PACS2: variants seen among roughly 807,000 people sequenced by gnomAD.
PACS2 encodes the protein phosphofurin acidic cluster sorting protein 2, also known as PACS1-like protein.
A neutral mutation model predicts 113.0 loss-of-function variants in PACS2; 36 were observed. The observed-to-expected ratio is 0.32, with a 90% CI of 0.24 to 0.42. The LOEUF is 0.42. Ranked by LOEUF, PACS2 falls within the 10% of genes least tolerant of loss-of-function variation. The probability of loss-of-function intolerance (pLI) is 1.00; values close to 1 mark genes in which losing one functional copy is unlikely to be tolerated. For missense variants in PACS2, 1,015 were observed against 1,239.5 expected, an observed-to-expected ratio of 0.82 and a Z score of 2.72; for synonymous variants, 589 against 536.1, an observed-to-expected ratio of 1.10 and a Z score of -1.36.
Position 105,338,888 on chromosome 14 carries a change from T to C in PACS2, c.120-9605T>C, listed in dbSNP as rs117609624. Among the ~76,000 whole-genome samples, 522 of 152,308 alleles carry C rather than the reference T, an allele frequency of 3.4e-3. 20 individuals carry two copies. In the East Asian group the frequency reaches 0.085, roughly 25 times the overall value. On this transcript the variant is annotated intron_variant, in intron 1 of 24. Transcript: ENST00000447393. ...TTCTCCCTCCCTCCTGCCTCCTGTC[T>C]TCCTACTCTCTCCCCTCCTTCCACC...
At chr14:105,353,767 T>C (rs989483887) in intron 3 of PACS2, among the ~76,000 whole-genome samples, 87 of 152,010 alleles carry the variant, frequency 5.7e-4, no homozygotes, top group African/African-American at 2.0e-3. Flanking sequence ...CTATTTTTCG[T>C]ATCTTTAGTT....
chr14:105,355,002 GCCTGGGGCC>G lies in PACS2; in HGVS notation c.298-47_298-39del, dbSNP rs782656521. On this transcript the variant is annotated intron_variant, in intron 3 of 24. Coordinates refer to ENST00000447393, the MANE Select transcript of PACS2 (RefSeq NM_001100913.3). The surrounding 1 kb of genome is among the most constrained non-coding windows in gnomAD (Gnocchi z 4.1). ...CTGGGCCGTCAGAGGCCGTGATGCT[GCCTGGGGCC>G]CCGGTGCACCCTCAGCTGCCACTCG... The G allele has an allele frequency of 1.4e-5, 22 of 1,598,258 alleles. No individual in the cohort carries two copies. The highest frequency in any genetic ancestry group is 3.3e-4 in the Middle Eastern group (2 of 6,030).
At chr14:105,306,678 G>A (rs587751695) in intron 1 of PACS2, among the ~76,000 whole-genome samples, 23 of 150,512 alleles carry the variant, frequency 1.5e-4, no homozygotes, top group Non-Finnish European at 2.7e-4. Context: ...CGATCTTGAT[G>A]TACCGCAATC....
In PACS2 at chr14:105,380,096, A is replaced by G; in HGVS notation, c.1067A>G (p.Lys356Arg). ...EPPSPADVPE[K>R]TRSLGGRQPS... Reference sequence around the variant, plus strand: ...CCCCCACAGGCTGACGTGCCCGAGAAGACGCGGTCCCTGGGAGGCAGGCAG... The same window carrying G: ...CCCCCACAGGCTGACGTGCCCGAGAGGACGCGGTCCCTGGGAGGCAGGCAG... The change falls in exon 11 of 25, where the codon AAG becomes AGG. Residue 356 changes from lysine to arginine, a missense_variant. Lys to Arg is a conservative substitution (Grantham distance 26). Coordinates refer to ENST00000447393, the MANE Select transcript of PACS2 (RefSeq NM_001100913.3). 1 of 1,553,174 alleles carries G rather than the reference A, an allele frequency of 6.4e-7. No homozygotes were observed. Among genetic ancestry groups the G allele is most frequent in the Non-Finnish European group, 8.7e-7 (1 of 1,148,062 alleles).
rs1317026336 is a variant in PACS2, at chr14:105,340,928, G to T, written c.120-7565G>T. On this transcript the variant is annotated intron_variant, in intron 1 of 24. Coordinates refer to ENST00000447393, the MANE Select transcript of PACS2 (RefSeq NM_001100913.3). This position sits in a 1 kb window ranked among gnomAD's most constrained non-coding sequence, Gnocchi z 4.2. ...GTGGGGCTGCTTGCTCAGCACCCTT[G>T]CCCCGTCTCTGGCCACGTAGCCGTC... Among the ~76,000 whole-genome samples the T allele has an allele frequency of 1.3e-5, 2 of 152,248 alleles. No individual in the cohort carries two copies. The highest frequency in any genetic ancestry group is 2.9e-5 in the Non-Finnish European group (2 of 68,038).
intron 8 of PACS2, 64 bp downstream of exon 8, chr14:105,369,964 G>C (rs1168151041): frequency 7.1e-7 from 1 of 1,403,852 alleles, no homozygotes; most frequent in African/African-American, 1.4e-5. Context: ...TCGGGAGGAG[G>C]CCTCTGGGGT....
intron 4 of PACS2, among the ~76,000 whole-genome samples, chr14:105,364,580 C>T (rs2060879130): frequency 6.6e-6 from 1 of 151,230 alleles, no homozygotes; most frequent in Admixed American, 6.6e-5. Context: ...GAGGTCTCCT[C>T]ACCATGCATG....
At chr14:105,392,906 G>A (rs769889132) in intron 23 of PACS2, 61 bp downstream of exon 23, 37 of 1,347,808 alleles carry the variant, frequency 2.7e-5, no homozygotes, top group Non-Finnish European at 3.4e-5. Flanking sequence ...GGGAGAGGGC[G>A]GCTCGCAGTC....
intron 1 of PACS2, among the ~76,000 whole-genome samples, chr14:105,333,282 A>G (rs1236795353): frequency 6.6e-6 from 1 of 152,126 alleles, no homozygotes; most frequent in Non-Finnish European, 1.5e-5. Flanking sequence ...TGCCCTGTGC[A>G]GAGCAGGTGC....
chr14:105,341,181 C>T (rs587741898), intron 1 of PACS2, among the ~76,000 whole-genome samples: 16 of 152,330 alleles, frequency 1.1e-4, no homozygotes, highest in Admixed American at 9.8e-4. Flanking sequence ...TGTGCTCATT[C>T]TTGTTGGCAG....
chr14:105,393,746 C>T (rs1232620257), intron 24 of PACS2, among the ~76,000 whole-genome samples: 4 of 151,926 alleles, frequency 2.6e-5, no homozygotes, highest in African/African-American at 9.7e-5. Flanking sequence ...CGTGCCACCA[C>T]GCCCGGCTAA....
rs587677297 is a variant in PACS2, at chr14:105,358,472, C to T, written c.423+3295C>T. Among the ~76,000 whole-genome samples, 97 of 152,256 alleles carry T rather than the reference C, an allele frequency of 6.4e-4. 2 individuals are homozygous for T. Among genetic ancestry groups the T allele is most frequent in the South Asian group, 1.5e-3 (7 of 4,826 alleles). On this transcript the variant is annotated intron_variant, in intron 4 of 24. Coordinates refer to ENST00000447393, the MANE Select transcript of PACS2 (RefSeq NM_001100913.3). This position sits in a 1 kb window ranked among gnomAD's most constrained non-coding sequence, Gnocchi z 4.9. The stretch of plus-strand genomic sequence containing the variant: ...CTGTGGTGTGGCTCTCAGAACTCAC[C>T]CCAGCACCCGTAGAGGGAGTGTGTA...
chr14:105,315,988 A>G lies in PACS2; in HGVS notation c.119+951A>G, dbSNP rs1018967731. 5.9e-5 allele frequency among the ~76,000 whole-genome samples: 9 copies of G among 152,212 alleles called. No homozygotes were observed. The highest frequency in any genetic ancestry group is 1.3e-4 in the Non-Finnish European group (9 of 68,034). ...GGCCAGTATGCCTGGAGGGGACCCC[A>G]CGTGGCATTGAGTTGTTCCACCCCT... On this transcript the variant is annotated intron_variant, in intron 1 of 24. Coordinates refer to ENST00000447393, the MANE Select transcript of PACS2 (RefSeq NM_001100913.3). The surrounding 1 kb of genome is among the most constrained non-coding windows in gnomAD (Gnocchi z 4.4).
At position 105,356,366 on chromosome 14, in the gene PACS2, C is replaced by T. The variant is rs907649480; in HGVS notation, c.423+1189C>T. ...GTCCCGAGGCCTCGCTTCTCCGTGCCGCCGCAGGGCCTCAGACAAGCTTTG... is the reference window on the plus strand; with the variant it reads ...GTCCCGAGGCCTCGCTTCTCCGTGCTGCCGCAGGGCCTCAGACAAGCTTTG... On this transcript the variant is annotated intron_variant, in intron 4 of 24. Coordinates refer to ENST00000447393, the MANE Select transcript of PACS2 (RefSeq NM_001100913.3). This position sits in a 1 kb window ranked among gnomAD's most constrained non-coding sequence, Gnocchi z 4.0. Among the ~76,000 whole-genome samples the T allele has an allele frequency of 2.4e-4, 37 of 152,206 alleles. No individual in the cohort carries two copies. Among genetic ancestry groups the T allele is most frequent in the African/African-American group, 8.7e-4 (36 of 41,454 alleles).
At position 105,382,894 on chromosome 14, in the gene PACS2, G is replaced by T; in HGVS notation, c.1606G>T (p.Val536Phe). ...ADVQAAFSTI[V>F]SRIQRYCNCN... ...CGTCCAGGCGGCCTTCAGCACCATC[G>T]TCTCACGGATACAGAGATAGTGAGT... The change falls in exon 15 of 25, where the codon GTC (valine) becomes TTC (phenylalanine). Residue 536 changes from valine (V) to phenylalanine (F), a missense_variant. Physicochemically the swap from Val to Phe is conservative, Grantham distance 50. Around this residue, in one of 3 missense-constraint regions of PACS2, gnomAD observed 859 missense variants for 1,056.8 expected, o/e 0.81. Transcript: ENST00000447393. 1 of 1,602,108 alleles carries T rather than the reference G, an allele frequency of 6.2e-7. No homozygotes were observed.
rs1286119905 is a variant in PACS2 at position 105,372,733 on chromosome 14, CTACTAAAAA to C, written c.801+2837_801+2845del. On this transcript the variant is annotated intron_variant, in intron 8 of 24. Transcript: ENST00000447393. ...TGGCTAACATGGTGAAACCCCATCT[CTACTAAAAA>C]TACAAAAAAATTAGCTGGGCGTGGT... The C allele has an allele frequency of 8.1e-4, 124 of 152,212 alleles. 1 individual carries two copies. Among genetic ancestry groups the C allele is most frequent in the African/African-American group, 2.9e-3 (120 of 41,524 alleles). The allele number at this position is 152,212 out of a possible 1,614,324, so 9.4% of individuals were successfully genotyped here.
intron 1 of PACS2, chr14:105,336,795 G>C (rs2059539038): frequency 6.6e-6 from 1 of 152,262 alleles, no homozygotes; most frequent in South Asian, 2.1e-4. Flanking sequence ...GCATGGTGCA[G>C]CTGTTGCGGG....
At chr14:105,359,781 C>T (rs1009869947) in intron 4 of PACS2, among the ~76,000 whole-genome samples, 5 of 151,906 alleles carry the variant, frequency 3.3e-5, no homozygotes, top group East Asian at 3.9e-4. Flanking sequence ...TTAGTAGAGA[C>T]GGGGTTTCAC....
rs2058540248 is a variant in PACS2, at chr14:105,315,322, C to G, written c.119+285C>G. On this transcript the variant is annotated intron_variant, in intron 1 of 24. Coordinates refer to ENST00000447393, the MANE Select transcript of PACS2 (RefSeq NM_001100913.3). The surrounding 1 kb of genome is among the most constrained non-coding windows in gnomAD (Gnocchi z 4.4). ...CTTGGGGCTCCCGGGCGGCGCTCACCTGGCTCGCCGCAACCGCACCTGCAC... is the reference window on the plus strand; with the variant it reads ...CTTGGGGCTCCCGGGCGGCGCTCACGTGGCTCGCCGCAACCGCACCTGCAC... 1.3e-5 allele frequency: 2 copies of G among 154,058 alleles called. No individual in the cohort carries two copies. The highest frequency in any genetic ancestry group is 6.5e-5 in the Admixed American group (1 of 15,338). 9.5% of individuals were successfully genotyped at this position (154,058 alleles called of 1,614,324 possible).
Sources: allele counts gnomAD v4.1 joint callset (sites outside exome capture counted in the v4.1 genomes callset), GRCh38; gene constraint gnomAD v4.1.1; regional missense constraint gnomAD v4.1.1; non-coding constraint Gnocchi (gnomAD v3.1); transcripts MANE v1.5; gene names NCBI Gene and HGNC (gene_info 2026-07-23, HGNC 2026-07-21).